PWWP2B: variants seen among roughly 807,000 people sequenced by gnomAD.
The protein encoded by PWWP2B is PWWP domain-containing protein 2B.
In PWWP2B, 9 loss-of-function variants were observed where a neutral mutation model predicts 15.5. The ratio of observed to expected loss-of-function variants is 0.58; its 90% CI spans 0.35 to 1.02. The LOEUF (loss-of-function observed/expected upper bound fraction) is 1.02, where lower values mean the gene tolerates loss of function less well. PWWP2B is among the 50% of genes least tolerant of loss of function. The pLI is 0.02. For missense variants in PWWP2B, 864 were observed against 865.3 expected (o/e 1.00, Z 0.02); for synonymous variants, 474 against 403.6 (o/e 1.17, Z -2.09).
At chr10:132,416,984 C>G (rs968366973) in intron 2 of PWWP2B, 77 bp from the exon 3 acceptor site, 2 of 1,540,756 alleles carry the variant, frequency 1.3e-6, no homozygotes, top group African/African-American at 1.4e-5. Flanking sequence ...CCCTGACCTG[C>G]TGCTCAGACC....
intron 2 of PWWP2B, among the ~76,000 whole-genome samples, chr10:132,413,148 T>G (rs2069803674): frequency 6.6e-6 from 1 of 152,264 alleles, no homozygotes; most frequent in African/African-American, 2.4e-5. Context: ...TCAACACAGC[T>G]AGGATTCACT....
Position 132,399,284 on chromosome 10 carries a change from C to T in PWWP2B, c.125+1933C>T, listed in dbSNP as rs1042200933. Among the ~76,000 whole-genome samples, 113 of 152,370 alleles carry T rather than the reference C, an allele frequency of 7.4e-4. 1 individual carries two copies. Among genetic ancestry groups the T allele is most frequent in the Non-Finnish European group, 4.3e-4 (29 of 68,032 alleles). On this transcript the variant is annotated intron_variant, in intron 1 of 2. Coordinates refer to ENST00000305233, the MANE Select transcript of PWWP2B (RefSeq NM_138499.4). ...TCACAGGGAAGAGCTGCTGGGAGCC[C>T]TATGACAGGTGTCCGCCCACCTCAG...
rs931266627 is a variant in PWWP2B at position 132,404,931 on chromosome 10, C to T, written c.431C>T (p.Pro144Leu). 1.1e-5 allele frequency: 17 copies of T among 1,594,700 alleles called. No homozygotes were observed. The highest frequency in any genetic ancestry group is 1.7e-5 in the Admixed American group (1 of 59,820). Residue 144 changes from proline (P) to leucine (L), a missense_variant, in exon 2 of 3, where the codon CCG (proline) becomes CTG (leucine). By Grantham distance (98) the Pro-to-Leu change is moderately conservative. Around this residue, in one of 2 missense-constraint regions of PWWP2B, gnomAD observed 736 missense variants for 687.7 expected, o/e 1.07. Coordinates refer to ENST00000305233, the MANE Select transcript of PWWP2B (RefSeq NM_138499.4). ...TACAAGCTGTGGGTGCCCCAGCCGC[C>T]GCCCAGGACCATCAAGCGCACGCGG... is the stretch of plus-strand genomic sequence containing the variant. The part of the protein sequence containing the change: ...DTYKLWVPQP[P>L]PRTIKRTRRR...
intron 2 of PWWP2B, among the ~76,000 whole-genome samples, chr10:132,415,556 CACAA>C (rs549313098): frequency 1.4e-4 from 19 of 138,394 alleles, no homozygotes; most frequent in African/African-American, 5.0e-4. Context: ...CACACATTCA[CACAA>C]ACACACATAC....
chr10:132,411,135 G>T (rs1367250800), intron 2 of PWWP2B, among the ~76,000 whole-genome samples: 1 of 152,204 alleles, frequency 6.6e-6, no homozygotes, highest in South Asian at 2.1e-4. Context: ...TCAGGAGCTT[G>T]AGTCAAGGCG....
intron 2 of PWWP2B, among the ~76,000 whole-genome samples, chr10:132,414,315 G>A (rs548620817): frequency 1.3e-5 from 2 of 152,376 alleles, no homozygotes; most frequent in South Asian, 2.1e-4. Flanking sequence ...GAAGGACTTG[G>A]ATGGTTTTAA....
rs1360625027 is a variant in PWWP2B at position 132,405,366 on chromosome 10, A to T, written c.866A>T (p.Asp289Val). ...PFRPQQAPQD[D>V]GSQDPEVLDR... ...CGTCCCCAGCAGGCCCCGCAGGACG[A>T]CGGCAGCCAGGACCCCGAGGTGCTG... The change falls in exon 2 of 3, where the codon GAC (aspartate) becomes GTC (valine). Residue 289 changes from aspartate to valine, a missense_variant. By Grantham distance (152) the Asp-to-Val change is radical. Coordinates refer to ENST00000305233, the MANE Select transcript of PWWP2B (RefSeq NM_138499.4). 1 of 1,611,022 alleles carries T rather than the reference A, an allele frequency of 6.2e-7. No homozygotes were observed. Among genetic ancestry groups the T allele is most frequent in the African/African-American group, 1.3e-5 (1 of 74,904 alleles).
Position 132,405,976 on chromosome 10 carries a change from C to T in PWWP2B, c.1476C>T (p.Asp492=), listed in dbSNP as rs2069694040. ...ACGGCAGGACTGTGGCCGTGGGGGACATCGTCTGGGGTAAGATCCATGGTT... is the reference window on the plus strand; with the variant it reads ...ACGGCAGGACTGTGGCCGTGGGGGATATCGTCTGGGGTAAGATCCATGGTT... The part of the protein sequence containing the change: ...TEDGRTVAVG[D]IVWGKIHGFP... Residue 492 remains aspartate, a synonymous_variant, in exon 2 of 3, where the codon GAC becomes GAT. Coordinates refer to ENST00000305233, the MANE Select transcript of PWWP2B (RefSeq NM_138499.4). 1.2e-6 allele frequency: 2 copies of T among 1,613,542 alleles called. No individual in the cohort carries two copies. The highest frequency in any genetic ancestry group is 8.5e-7 in the Non-Finnish European group (1 of 1,180,010).
rs200128649 is a variant in PWWP2B at position 132,404,756 on chromosome 10, C to A, written c.256C>A (p.Pro86Thr). Residue 86 changes from proline to threonine, a missense_variant, in exon 2 of 3, where the codon CCT (proline) becomes ACT (threonine). Pro to Thr is a conservative substitution (Grantham distance 38). Around this residue, in one of 2 missense-constraint regions of PWWP2B, gnomAD observed 736 missense variants for 687.7 expected, o/e 1.07. Transcript: ENST00000305233. ...GATGCAGCTGGGGTCCAGCTCCCCC[C>A]CTCCTGCCCGCGGGGTTCAGCCCCC... ...EVMQLGSSSP[P>T]PARGVQPPET... 8.7e-5 allele frequency: 139 copies of A among 1,593,448 alleles called. No homozygotes were observed. The Middle Eastern group carries it at 1.4e-3, about 15-fold the overall frequency.
rs1012805535 is a variant in PWWP2B at position 132,408,942 on chromosome 10, G to A, written c.*16+2653G>A. ...GCACATCGGCCTCAGCAGGGGCCGC[G>A]CCAGGACGCATGGCTGTGACACACT... is the stretch of plus-strand genomic sequence containing the variant. On this transcript the variant is annotated intron_variant, in intron 2 of 2. Coordinates refer to ENST00000305233, the MANE Select transcript of PWWP2B (RefSeq NM_138499.4). 4.6e-5 allele frequency among the ~76,000 whole-genome samples: 7 copies of A among 152,344 alleles called. No individual in the cohort carries two copies. In the South Asian group the frequency reaches 6.2e-4, roughly 14 times the overall value.
Position 132,405,261 on chromosome 10 carries a change from A to T in PWWP2B, c.761A>T (p.Lys254Met). Residue 254 changes from lysine (K) to methionine (M), a missense_variant, in exon 2 of 3, where the codon AAG becomes ATG. Lys to Met is a moderately conservative substitution (Grantham distance 95). Transcript: ENST00000305233. ...CAGGTCCCGCGGAGCCCGGTCATCAAGATCTCCTACAGCACGCCCCAGGGC... is the reference window on the plus strand; with the variant it reads ...CAGGTCCCGCGGAGCCCGGTCATCATGATCTCCTACAGCACGCCCCAGGGC... ...AEQVPRSPVI[K>M]ISYSTPQGKG... The T allele has an allele frequency of 6.2e-7, 1 of 1,611,268 alleles. No homozygotes were observed.
At chr10:132,416,609 G>T (rs1056692821) in intron 2 of PWWP2B, among the ~76,000 whole-genome samples, 1 of 152,122 alleles carries the variant, frequency 6.6e-6, no homozygotes, top group Non-Finnish European at 1.5e-5. Context: ...CCCATGCGTG[G>T]GGCTGTGTCC....
intron 2 of PWWP2B, among the ~76,000 whole-genome samples, chr10:132,416,655 G>T (rs2133169056): frequency 6.6e-6 from 1 of 152,084 alleles, no homozygotes. Context: ...CCCAGGCTCG[G>T]GTCTCCACGG....
chr10:132,401,976 C>T (rs956080511), intron 1 of PWWP2B, among the ~76,000 whole-genome samples: 1 of 152,198 alleles, frequency 6.6e-6, no homozygotes, highest in African/African-American at 2.4e-5. Context: ...CGCTGGGGTG[C>T]GGCCTGGGCA....
At chr10:132,415,576 C>CAT (rs1554908585) in intron 2 of PWWP2B, among the ~76,000 whole-genome samples, 3 of 150,258 alleles carry the variant, frequency 2.0e-5, no homozygotes, top group Non-Finnish European at 3.0e-5. Context: ...CATACACACA[C>CAT]ATCCACTCAC....
At chr10:132,397,723 C>A (rs1195340557) in intron 1 of PWWP2B, among the ~76,000 whole-genome samples, 1 of 152,234 alleles carries the variant, frequency 6.6e-6, no homozygotes, top group African/African-American at 2.4e-5. Context: ...TCAGATGCGC[C>A]GTGGCCTTGC....
intron 2 of PWWP2B, among the ~76,000 whole-genome samples, chr10:132,408,783 ACT>A (rs1286502579): frequency 6.6e-6 from 1 of 152,046 alleles, no homozygotes; most frequent in Non-Finnish European, 1.5e-5. Flanking sequence ...GAGACCCCTC[ACT>A]CTCTCTCAGC....
Position 132,404,736 on chromosome 10 carries a change from A to G in PWWP2B, c.236A>G (p.Gln79Arg), listed in dbSNP as rs575781271. The stretch of plus-strand genomic sequence containing the variant: ...GAGGAGGGGGATGCAGAGGTGATGC[A>G]GCTGGGGTCCAGCTCCCCCCCTCCT... ...APEEGDAEVM[Q>R]LGSSSPPPAR... Residue 79 changes from glutamine to arginine, a missense_variant, in exon 2 of 3, where the codon CAG becomes CGG. Gln to Arg is a conservative substitution (Grantham distance 43, BLOSUM62 1). Transcript: ENST00000305233. 6 of 1,608,046 alleles carry G rather than the reference A, an allele frequency of 3.7e-6. No individual in the cohort carries two copies. In the East Asian group the frequency reaches 1.3e-4, roughly 36 times the overall value.
At chr10:132,408,437 C>T (rs538991895) in intron 2 of PWWP2B, among the ~76,000 whole-genome samples, 35 of 152,320 alleles carry the variant, frequency 2.3e-4, no homozygotes, top group East Asian at 1.7e-3. Context: ...ATCGTGAAGG[C>T]GCCTCTCTGA....
Sources: gnomAD v4.1 joint callset for allele counts (sites outside exome capture counted in the v4.1 genomes callset) on GRCh38, gnomAD v4.1.1 for gene constraint, gnomAD v4.1.1 regional missense constraint, MANE v1.5 for transcripts, NCBI Gene and HGNC (gene_info 2026-07-23, HGNC 2026-07-21) for gene names.